The following NEURL1 variants were observed in gnomAD, a reference collection of about 807,000 sequenced individuals.
NEURL1 encodes E3 ubiquitin-protein ligase NEURL1.
Under a neutral mutation model 41.2 loss-of-function variants are expected in NEURL1, and 26 were observed. The observed-to-expected ratio is 0.63, with a 90% CI of 0.46 to 0.87. NEURL1 has a LOEUF of 0.87. Among genes scored for constraint, NEURL1 ranks in the 40% least tolerant of loss-of-function variants. NEURL1 has a pLI of 0.00. For missense variants in NEURL1, 761 were observed against 871.1 expected (o/e 0.87, Z 1.59); for synonymous variants, 400 against 402.3 (o/e 0.99, Z 0.07).
At position 103,569,035 on chromosome 10, in the gene NEURL1, G is replaced by A. The variant is rs891969848; in HGVS notation, c.86-1837G>A. 5.9e-5 allele frequency among the ~76,000 whole-genome samples: 9 copies of A among 152,254 alleles called. No individual in the cohort carries two copies. The South Asian group carries it at 6.2e-4, about 11-fold the overall frequency. On this transcript the variant is annotated intron_variant, in intron 1 of 5. Transcript: ENST00000369780. ...TCACCATATTGCCCAGGCTGGTCTC[G>A]AACTCCTGACCTCAGGTAATCCACC... is the stretch of plus-strand genomic sequence containing the variant.
intron 1 of NEURL1, among the ~76,000 whole-genome samples, chr10:103,563,780 G>A (rs1179813497): frequency 4.6e-5 from 7 of 152,234 alleles, no homozygotes; most frequent in Admixed American, 4.6e-4. Flanking sequence ...GATGAGGAAA[G>A]TGAGGCTCCC....
chr10:103,590,395 C>T lies in NEURL1; in HGVS notation c.*23C>T. ...TAGCCCGTTGCGGTGGCCCATCCCG[C>T]ATACCCATCTTCTCGGGCTTCAGCC... is the stretch of plus-strand genomic sequence containing the variant. On this transcript the variant is annotated 3_prime_UTR_variant, in exon 6 of 6. Transcript: ENST00000369780. 1.9e-6 allele frequency: 3 copies of T among 1,582,218 alleles called. No homozygotes were observed. Among genetic ancestry groups the T allele is most frequent in the Non-Finnish European group, 2.6e-6 (3 of 1,151,848 alleles).
chr10:103,547,152 A>G (rs890119883), intron 1 of NEURL1, among the ~76,000 whole-genome samples: 3 of 152,270 alleles, frequency 2.0e-5, no homozygotes, highest in African/African-American at 7.2e-5. Context: ...CAGAAGAGGA[A>G]ATGGACACTT....
chr10:103,566,976 TTC>T lies in NEURL1; in HGVS notation c.86-3894_86-3893del, dbSNP rs1199246675. Among the ~76,000 whole-genome samples the T allele has an allele frequency of 6.6e-6, 1 of 151,474 alleles. No individual in the cohort carries two copies. On this transcript the variant is annotated intron_variant, in intron 1 of 5. Transcript: ENST00000369780. The surrounding 1 kb of genome is among the most constrained non-coding windows in gnomAD (Gnocchi z 4.2). ...ATAAAGGAAACTTTGTTTCTTTTCTTTCTTTCTTTTTTTTTTTTTTGTTTGAG... is the reference window on the plus strand; with the variant it reads ...ATAAAGGAAACTTTGTTTCTTTTCTTTTTCTTTTTTTTTTTTTTGTTTGAG...
At chr10:103,520,125 T>G (rs1386119681) in intron 1 of NEURL1, among the ~76,000 whole-genome samples, 2 of 152,270 alleles carry the variant, frequency 1.3e-5, no homozygotes, top group African/African-American at 4.8e-5. Flanking sequence ...TAAATTTTTA[T>G]AAAGGTAACA....
chr10:103,568,853 C>T (rs929174642), intron 1 of NEURL1, among the ~76,000 whole-genome samples: 10 of 152,286 alleles, frequency 6.6e-5, no homozygotes, highest in South Asian at 2.1e-4. Context: ...CTTGCTCTGT[C>T]GCCCAGCCTG....
At chr10:103,538,006 A>G (rs1223190103) in intron 1 of NEURL1, among the ~76,000 whole-genome samples, 2 of 152,118 alleles carry the variant, frequency 1.3e-5, no homozygotes, top group Non-Finnish European at 2.9e-5. Flanking sequence ...ATGATACAGT[A>G]TGGTCTCTTT....
At chr10:103,541,107 T>C (rs2034811866) in intron 1 of NEURL1, among the ~76,000 whole-genome samples, 1 of 151,936 alleles carries the variant, frequency 6.6e-6, no homozygotes, top group South Asian at 2.1e-4. Context: ...GGGTCTTGAG[T>C]TGGGGAGTAG....
intron 1 of NEURL1, among the ~76,000 whole-genome samples, chr10:103,532,151 A>G (rs1459175326): frequency 6.6e-6 from 1 of 152,172 alleles, no homozygotes; most frequent in African/African-American, 2.4e-5. Context: ...CAGGCAGTGT[A>G]TGTCTTTTAA....
intron 1 of NEURL1, among the ~76,000 whole-genome samples, chr10:103,530,558 CT>C (rs796115588): frequency 2.5e-3 from 354 of 142,808 alleles, no homozygotes; most frequent in Middle Eastern, 0.018. Flanking sequence ...GATTTCAATT[CT>C]TTTTTTTTTT....
chr10:103,555,298 G>A, intron 1 of NEURL1: 5 of 1,236,164 alleles, frequency 4.0e-6, no homozygotes, highest in Non-Finnish European at 4.2e-6. Flanking sequence ...GACGGGGGAG[G>A]AGGAGGGGAG....
At chr10:103,495,312 A>T (rs1321969655) in intron 1 of NEURL1, among the ~76,000 whole-genome samples, 3 of 152,134 alleles carry the variant, frequency 2.0e-5, no homozygotes, top group Non-Finnish European at 2.9e-5. Context: ...AACCAGTGGC[A>T]CTTGTCCTGG....
Position 103,558,106 on chromosome 10 carries a change from C to T in NEURL1, c.86-12766C>T. 1.2e-6 allele frequency: 1 copy of T among 812,366 alleles called. No individual in the cohort carries two copies. Among genetic ancestry groups the T allele is most frequent in the Non-Finnish European group, 1.5e-6 (1 of 672,120 alleles). 50.3% of individuals were successfully genotyped at this position (812,366 alleles called of 1,614,324 possible). A position where few individuals can be genotyped will look rare whatever the true frequency, so the allele number is the denominator to read the frequency against. ...TGTTGGTCAGGCTGGTCTTGAATTC[C>T]TGACCTCGTGATCCACCTGTGTCGG... On this transcript the variant is annotated intron_variant, in intron 1 of 5. Transcript: ENST00000369780. The surrounding 1 kb of genome is among the most constrained non-coding windows in gnomAD (Gnocchi z 4.2).
chr10:103,575,308 C>T (rs954570705), intron 3 of NEURL1, among the ~76,000 whole-genome samples: 1 of 152,168 alleles, frequency 6.6e-6, no homozygotes, highest in African/African-American at 2.4e-5. Flanking sequence ...TGCTGTCTCT[C>T]TTCTGAAGAA....
intron 1 of NEURL1, among the ~76,000 whole-genome samples, chr10:103,533,689 A>G (rs1187941855): frequency 6.6e-6 from 1 of 152,134 alleles, no homozygotes; most frequent in Non-Finnish European, 1.5e-5. Context: ...GGCGCCCGCC[A>G]TCACACCCGG....
At chr10:103,513,711 C>T (rs1370043676) in intron 1 of NEURL1, among the ~76,000 whole-genome samples, 2 of 151,414 alleles carry the variant, frequency 1.3e-5, no homozygotes, top group Non-Finnish European at 1.5e-5. Context: ...TCCTCTGGTT[C>T]TCAGACCTCT....
chr10:103,498,027 G>C (rs1456572660), intron 1 of NEURL1, among the ~76,000 whole-genome samples: 5 of 152,140 alleles, frequency 3.3e-5, no homozygotes, highest in Admixed American at 1.3e-4. Flanking sequence ...AAGGCTTGGA[G>C]GGGCTTGAGC....
At chr10:103,575,249 A>T (rs2133879752) in intron 3 of NEURL1, among the ~76,000 whole-genome samples, 1 of 149,232 alleles carries the variant, frequency 6.7e-6, no homozygotes, top group South Asian at 2.2e-4. Flanking sequence ...CTTGACCTAG[A>T]TCCTCTCACC....
At chr10:103,553,354 A>T (rs2035074864) in intron 1 of NEURL1, among the ~76,000 whole-genome samples, 1 of 152,126 alleles carries the variant, frequency 6.6e-6, no homozygotes, top group East Asian at 1.9e-4. Context: ...TGTCAGACTG[A>T]CTTAGCTTCC....
Sources: allele counts gnomAD v4.1 joint callset (sites outside exome capture counted in the v4.1 genomes callset), GRCh38; gene constraint gnomAD v4.1.1; non-coding constraint Gnocchi (gnomAD v3.1); transcripts MANE v1.5; gene names NCBI Gene and HGNC (gene_info 2026-07-23, HGNC 2026-07-21).